The following ZFHX4 variants were observed in gnomAD, a reference collection of about 807,000 sequenced individuals.
The protein encoded by ZFHX4 is zinc finger homeobox protein 4.
ZFHX4 carries 56 observed loss-of-function variants against 267.6 expected under a neutral mutation model. The observed-to-expected ratio is 0.21, with a 90% CI of 0.17 to 0.26. The LOEUF is 0.26. Among genes scored for constraint, ZFHX4 ranks in the 10% least tolerant of loss-of-function variants. The probability of loss-of-function intolerance (pLI) is 1.00; values close to 1 mark genes in which losing one functional copy is unlikely to be tolerated. For synonymous variants in ZFHX4, 1,778 were observed against 1,665.6 expected (o/e 1.07, Z -1.64); for missense variants, 4,332 against 4,420.0 (o/e 0.98, Z 0.56).
chr8:76,856,788 T>G (rs1563566932), intron 10 of ZFHX4, among the ~76,000 whole-genome samples: 1 of 152,104 alleles, frequency 6.6e-6, no homozygotes. Flanking sequence ...AAAAGTTGAG[T>G]CCTTCAGCCA....
chr8:76,843,500 T>C (rs895613545), intron 6 of ZFHX4, among the ~76,000 whole-genome samples: 11 of 152,220 alleles, frequency 7.2e-5, no homozygotes, highest in Non-Finnish European at 1.6e-4. Flanking sequence ...CTGGTGTGGA[T>C]ACCTAAGGCT....
At chr8:76,856,434 A>T in intron 10 of ZFHX4, 134 bp downstream of exon 10, 1 of 1,067,152 alleles carries the variant, frequency 9.4e-7, no homozygotes, top group Non-Finnish European at 1.4e-6. Context: ...TTTAAAGTAT[A>T]TATTATATTG....
chr8:76,697,797 TA>T (rs1194410715), intron 1 of ZFHX4, among the ~76,000 whole-genome samples: 2 of 152,060 alleles, frequency 1.3e-5, no homozygotes, highest in Non-Finnish European at 2.9e-5. Flanking sequence ...TATGGATTAA[TA>T]TTTTTTTAAG....
At chr8:76,737,780 G>C (rs1809204586) in intron 3 of ZFHX4, among the ~76,000 whole-genome samples, 1 of 152,112 alleles carries the variant, frequency 6.6e-6, no homozygotes, top group Admixed American at 6.6e-5. Context: ...AATTGCAATT[G>C]CATGTAGGAT....
rs115229143 is a variant in ZFHX4 at position 76,831,468 on chromosome 8, A to G, written c.3326-1870A>G. 7.0e-3 allele frequency among the ~76,000 whole-genome samples: 1,063 copies of G among 152,324 alleles called. 14 individuals are homozygous for G. Among genetic ancestry groups the G allele is most frequent in the African/African-American group, 0.025 (1,029 of 41,580 alleles). ...GTATAGTTGACAGAGCTCTGAATTT[A>G]GAGTCCTGAAGCTCTGGGAAGCTAC... On this transcript the variant is annotated intron_variant, in intron 4 of 10. Coordinates refer to ENST00000651372, the MANE Select transcript of ZFHX4 (RefSeq NM_024721.5).
chr8:76,794,911 G>GT (rs1446200376), intron 4 of ZFHX4, among the ~76,000 whole-genome samples: 4 of 150,404 alleles, frequency 2.7e-5, no homozygotes, highest in Non-Finnish European at 4.4e-5. Flanking sequence ...GTGTGTGTGT[G>GT]GACAAATCAA....
At chr8:76,833,503 C>G (rs1811992405) in intron 5 of ZFHX4, 97 bp downstream of exon 5, 4 of 940,936 alleles carry the variant, frequency 4.3e-6, no homozygotes, top group Non-Finnish European at 4.9e-6. Flanking sequence ...TCTGGAACTT[C>G]TCTAATTAGA....
At chr8:76,812,563 A>G (rs916245140) in intron 4 of ZFHX4, among the ~76,000 whole-genome samples, 2 of 152,224 alleles carry the variant, frequency 1.3e-5, no homozygotes, top group African/African-American at 4.8e-5. Flanking sequence ...CAAATTTAAG[A>G]AACAGAAAAT....
At chr8:76,776,541 G>A (rs748247802) in intron 3 of ZFHX4, among the ~76,000 whole-genome samples, 52 of 152,258 alleles carry the variant, frequency 3.4e-4, no homozygotes, top group Non-Finnish European at 5.0e-4. Context: ...ATCTTTTTAA[G>A]TGTCCATACT....
At chr8:76,727,232 G>T (rs975577696) in intron 3 of ZFHX4, among the ~76,000 whole-genome samples, 2 of 152,046 alleles carry the variant, frequency 1.3e-5, no homozygotes, top group African/African-American at 4.8e-5. Context: ...CCACCAAAAG[G>T]AGCCTCTTTC....
rs1274336018 is a variant in ZFHX4, at chr8:76,853,837, C to T, written c.6916C>T (p.Arg2306Ter). 6.2e-7 allele frequency: 1 copy of T among 1,613,848 alleles called. No homozygotes were observed. Among genetic ancestry groups the T allele is most frequent in the Non-Finnish European group, 8.5e-7 (1 of 1,179,858 alleles). ...KRELTNERYI[R>*]TSNMQYQCKK... is the part of the protein sequence containing the mutation. The stretch of plus-strand genomic sequence containing the variant: ...AGAACTCACTAATGAACGGTACATT[C>T]GAACAAGCAACATGCAGTACCAGTG... Residue 2306 changes from arginine (R) to a stop codon, truncating the protein, a stop_gained, in exon 10 of 11, where the codon CGA becomes TGA. Transcript: ENST00000651372. LOFTEE classifies it high-confidence loss of function.
intron 3 of ZFHX4, among the ~76,000 whole-genome samples, chr8:76,739,450 C>A (rs1014872538): frequency 2.0e-5 from 3 of 152,016 alleles, no homozygotes; most frequent in Non-Finnish European, 4.4e-5. Context: ...TTGATATACC[C>A]ACTCCTTAAG....
intron 4 of ZFHX4, among the ~76,000 whole-genome samples, chr8:76,786,227 A>T (rs886712852): frequency 7.9e-5 from 12 of 151,786 alleles, no homozygotes; most frequent in Non-Finnish European, 1.5e-4. Flanking sequence ...CAGAACTTTT[A>T]AAAAAAAGCA....
Position 76,789,633 on chromosome 8 carries a change from A to G in ZFHX4, c.3325+11194A>G, listed in dbSNP as rs189025664. On this transcript the variant is annotated intron_variant, in intron 4 of 10. Transcript: ENST00000651372. ...CTAGTTTATTCATCTCCATTAATCA[A>G]ATTAGTCAGATAATTACCAAATCTC... Among the ~76,000 whole-genome samples the G allele has an allele frequency of 4.9e-4, 74 of 152,250 alleles. 1 individual carries two copies. The highest frequency in any genetic ancestry group is 1.7e-3 in the African/African-American group (72 of 41,570).
chr8:76,842,800 A>G (rs367600386), intron 6 of ZFHX4, 29 bp downstream of exon 6: 44 of 1,483,150 alleles, frequency 3.0e-5, no homozygotes, highest in East Asian at 4.9e-5. Context: ...TCACCTCGGC[A>G]TTTCCCTATA....
intron 1 of ZFHX4, among the ~76,000 whole-genome samples, chr8:76,694,929 A>T (rs1176187344): frequency 6.6e-6 from 1 of 151,912 alleles, no homozygotes; most frequent in East Asian, 1.9e-4. Flanking sequence ...CAGAGTCATC[A>T]GCTCATTTGT....
intron 1 of ZFHX4, among the ~76,000 whole-genome samples, chr8:76,698,560 G>T (rs2131594767): frequency 6.7e-6 from 1 of 149,404 alleles, no homozygotes; most frequent in South Asian, 2.1e-4. Flanking sequence ...TGAGGGAAAT[G>T]AGGGTGGGAA....
chr8:76,767,320 G>A (rs2131742195), intron 3 of ZFHX4, among the ~76,000 whole-genome samples: 1 of 152,202 alleles, frequency 6.6e-6, no homozygotes, highest in African/African-American at 2.4e-5. Flanking sequence ...TGCTTCTTGT[G>A]TTAATGATGT....
chr8:76,850,189 G>A lies in ZFHX4; in HGVS notation c.3847-56G>A, dbSNP rs1812473912. On this transcript the variant is annotated intron_variant, in intron 8 of 10. Coordinates refer to ENST00000651372, the MANE Select transcript of ZFHX4 (RefSeq NM_024721.5). ...TATGCTACCAGCAAAAGAGAGATGT[G>A]ATGGAATTTGTGATTTCTGGGGTAC... 3.0e-6 allele frequency: 4 copies of A among 1,353,432 alleles called. No homozygotes were observed. In the South Asian group the frequency reaches 5.1e-5, roughly 17 times the overall value. The allele number at this position is 1,353,432 out of a possible 1,614,324, so 83.8% of individuals were successfully genotyped here.
Sources: gnomAD v4.1 joint callset for allele counts (sites outside exome capture counted in the v4.1 genomes callset) on GRCh38, gnomAD v4.1.1 for gene constraint, MANE v1.5 for transcripts, NCBI Gene and HGNC (gene_info 2026-07-23, HGNC 2026-07-21) for gene names.